The following B4GALT6 variants were observed in gnomAD, a reference collection of about 807,000 sequenced individuals.
The protein encoded by B4GALT6 is beta-1,4-galactosyltransferase 6.
In B4GALT6, 14 loss-of-function variants were observed where a neutral mutation model predicts 46.3. The ratio of observed to expected loss-of-function variants is 0.30; its 90% CI spans 0.20 to 0.47. The LOEUF (loss-of-function observed/expected upper bound fraction) is 0.47, where lower values mean the gene tolerates loss of function less well. Ranked by LOEUF, B4GALT6 falls within the 20% of genes least tolerant of loss-of-function variation. The pLI is 0.99. For missense variants in B4GALT6, 386 were observed against 480.1 expected, an observed-to-expected ratio of 0.80 and a Z score of 1.83; for synonymous variants, 168 against 162.0, an observed-to-expected ratio of 1.04 and a Z score of -0.28.
In B4GALT6 at chr18:31,638,733, G is replaced by A. The variant is rs180688911; in HGVS notation, c.499C>T (p.Arg167Cys). The change falls in exon 5 of 9, where the codon CGC becomes TGC. Residue 167 changes from arginine to cysteine, a missense_variant. Arg to Cys is a radical substitution (Grantham distance 180). Coordinates refer to ENST00000306851, the MANE Select transcript of B4GALT6 (RefSeq NM_004775.5). Reference sequence around the variant, plus strand: ...AAAAAAATTGGAAGATGTTCATGGCGATTACGGAAAGGAATGAGAACTGCC... The same window carrying A: ...AAAAAAATTGGAAGATGTTCATGGCAATTACGGAAAGGAATGAGAACTGCC... ...KVAVLIPFRNRHEHLPIFFLH... is the reference protein window; with the variant it reads ...KVAVLIPFRNCHEHLPIFFLH... 3 of 1,613,948 alleles carry A rather than the reference G, an allele frequency of 1.9e-6. No homozygotes were observed. The highest frequency in any genetic ancestry group is 2.2e-5 in the East Asian group (1 of 44,878).
At chr18:31,684,210 C>T in intron 1 of B4GALT6, 102 bp downstream of exon 1, 12 of 1,548,516 alleles carry the variant, frequency 7.7e-6, no homozygotes, top group South Asian at 1.2e-5. Context: ...TTTCTGCGGG[C>T]CCCTGTTTGA....
chr18:31,680,291 G>A (rs756436222), intron 1 of B4GALT6, among the ~76,000 whole-genome samples: 3 of 152,138 alleles, frequency 2.0e-5, no homozygotes, highest in Admixed American at 6.5e-5. Flanking sequence ...AAAGCTGCAG[G>A]GTTAACTAGC....
At chr18:31,645,569 T>G (rs1472547122) in intron 3 of B4GALT6, 90 bp from the exon 4 acceptor site, 1 of 1,339,008 alleles carries the variant, frequency 7.5e-7, no homozygotes, top group Non-Finnish European at 1.0e-6. Flanking sequence ...TGATGGCATA[T>G]CTTAGTTGCC....
Position 31,623,758 on chromosome 18 carries a change from T to C in B4GALT6, c.*1856A>G, listed in dbSNP as rs1007632564. ...ATCATAACACAGAAGCTATCCATTT[T>C]CTCAAAGTGTAAGGATTCAATTATT... is the stretch of plus-strand genomic sequence containing the variant. On this transcript the variant is annotated 3_prime_UTR_variant, in exon 9 of 9. Coordinates refer to ENST00000306851, the MANE Select transcript of B4GALT6 (RefSeq NM_004775.5). 6.6e-6 allele frequency: 1 copy of C among 151,976 alleles called. No individual in the cohort carries two copies. The allele number at this position is 151,976 out of a possible 1,614,324, so 9.4% of individuals were successfully genotyped here.
At chr18:31,701,392 A>G in the B4GALT6 span, among the ~76,000 whole-genome samples, 2 of 152,206 alleles carry the variant, frequency 1.3e-5, no homozygotes, top group Admixed American at 1.3e-4. Flanking sequence ...AGAAGCTGCT[A>G]TGCTTCTGCA....
intron 6 of B4GALT6, among the ~76,000 whole-genome samples, chr18:31,628,319 G>A (rs767810172): frequency 3.3e-5 from 5 of 152,266 alleles, no homozygotes; most frequent in East Asian, 1.9e-4. Context: ...TCTTGGCACC[G>A]TGTACTTCCC....
the B4GALT6 span, among the ~76,000 whole-genome samples, chr18:31,711,351 CACCCAAGTACTAACTTCGT>C: frequency 6.6e-6 from 1 of 152,094 alleles, no homozygotes; most frequent in Non-Finnish European, 1.5e-5. Context: ...ATTATTTTAT[CACCCAAGTACTAACTTCGT>C]ACCCAATAGT....
chr18:31,667,052 T>G (rs1039665751), intron 1 of B4GALT6, among the ~76,000 whole-genome samples: 2 of 152,202 alleles, frequency 1.3e-5, no homozygotes, highest in East Asian at 3.8e-4. Context: ...GGACCCAAAT[T>G]TCTTCTGCTG....
At chr18:31,697,441 A>G in the B4GALT6 span, among the ~76,000 whole-genome samples, 5 of 132,856 alleles carry the variant, frequency 3.8e-5, no homozygotes, top group African/African-American at 1.4e-4. Context: ...ACCAGTGATC[A>G]CAGACATCTG....
chr18:31,718,278 G>A, the B4GALT6 span, among the ~76,000 whole-genome samples: 3 of 152,204 alleles, frequency 2.0e-5, no homozygotes, highest in Non-Finnish European at 1.5e-5. Context: ...ATTTAGGGTA[G>A]AGGCCAGGGA....
chr18:31,684,872 G>A, upstream of B4GALT6: 2 of 732,816 alleles, frequency 2.7e-6, no homozygotes, highest in Middle Eastern at 6.9e-4. Context: ...GCGCCCGGCG[G>A]GGTCCCGCCG....
At chr18:31,674,232 T>C (rs1423988867) in intron 1 of B4GALT6, among the ~76,000 whole-genome samples, 4 of 152,034 alleles carry the variant, frequency 2.6e-5, no homozygotes, top group Non-Finnish European at 5.9e-5. Context: ...AAAGTTAACA[T>C]AAGTAGAATT....
intron 1 of B4GALT6, among the ~76,000 whole-genome samples, chr18:31,682,456 CA>C (rs2074490821): frequency 6.6e-6 from 1 of 152,168 alleles, no homozygotes; most frequent in African/African-American, 2.4e-5. Flanking sequence ...TAAGCCACAT[CA>C]ATCTAATTGC....
At chr18:31,634,994 G>C (rs149351697) in intron 5 of B4GALT6, among the ~76,000 whole-genome samples, 2 of 152,280 alleles carry the variant, frequency 1.3e-5, no homozygotes, top group Non-Finnish European at 2.9e-5. Context: ...TGTAGTCCCA[G>C]CACTTTGGGA....
chr18:31,639,435 T>G (rs2073902887), intron 4 of B4GALT6, among the ~76,000 whole-genome samples: 1 of 152,184 alleles, frequency 6.6e-6, no homozygotes, highest in African/African-American at 2.4e-5. Flanking sequence ...AACCAAAATC[T>G]TCACACTCCA....
upstream of B4GALT6, among the ~76,000 whole-genome samples, chr18:31,690,670 C>T (rs1322522656): frequency 6.6e-6 from 1 of 151,770 alleles, no homozygotes; most frequent in Non-Finnish European, 1.5e-5. Context: ...GGGGTTTCAC[C>T]ATGTTGGTCA....
the B4GALT6 span, chr18:31,724,286 C>T: frequency 4.7e-6 from 2 of 421,832 alleles, no homozygotes; most frequent in Admixed American, 3.3e-5. Flanking sequence ...GTCTCTGGGC[C>T]CCACGGGCCC....
At chr18:31,680,261 G>A (rs2074464906) in intron 1 of B4GALT6, among the ~76,000 whole-genome samples, 1 of 152,164 alleles carries the variant, frequency 6.6e-6, no homozygotes, top group Non-Finnish European at 1.5e-5. Context: ...AGGGCCAGGA[G>A]GCTAAAGGGC....
the B4GALT6 span, among the ~76,000 whole-genome samples, chr18:31,693,161 A>G: frequency 6.6e-6 from 1 of 152,208 alleles, no homozygotes; most frequent in African/African-American, 2.4e-5. Flanking sequence ...TTTGGAAGTC[A>G]ATGCATATAA....
Sources: gnomAD v4.1 joint callset for allele counts (sites outside exome capture counted in the v4.1 genomes callset) on GRCh38, gnomAD v4.1.1 for gene constraint, MANE v1.5 for transcripts, NCBI Gene and HGNC (gene_info 2026-07-23, HGNC 2026-07-21) for gene names.